The following CRYBG3 variants were observed in gnomAD, a reference collection of about 807,000 sequenced individuals.
CRYBG3 encodes the protein very large A-kinase anchor protein.
CRYBG3 carries 127 observed loss-of-function variants against 244.2 expected under a neutral mutation model. The ratio of observed to expected loss-of-function variants is 0.52; its 90% CI spans 0.45 to 0.60. CRYBG3 has a LOEUF of 0.60. Ranked by LOEUF, CRYBG3 falls within the 20% of genes least tolerant of loss-of-function variation. CRYBG3 has a pLI of 0.00. For synonymous variants in CRYBG3, 1,132 were observed against 1,195.8 expected (o/e 0.95, Z 1.10); for missense variants, 3,325 against 3,442.5 (o/e 0.97, Z 0.85).
intron 3 of CRYBG3, among the ~76,000 whole-genome samples, chr3:97,865,241 CATT>C (rs1029215421): frequency 1.3e-5 from 2 of 152,096 alleles, no homozygotes; most frequent in African/African-American, 4.8e-5. Context: ...ATGTTTATAA[CATT>C]GTTGAGTCCA....
intron 1 of CRYBG3, among the ~76,000 whole-genome samples, chr3:97,838,665 C>T (rs997474004): frequency 6.6e-6 from 1 of 152,094 alleles, no homozygotes; most frequent in Non-Finnish European, 1.5e-5. Flanking sequence ...CATGTGTGCA[C>T]TGCTAGTTTG....
chr3:97,943,140 G>A (rs1413927303), intron 21 of CRYBG3, 86 bp from the exon 22 acceptor site: 15 of 725,890 alleles, frequency 2.1e-5, no homozygotes, highest in Non-Finnish European at 3.3e-5. Context: ...CCGAAATGGT[G>A]AGCTGAACAG....
intron 17 of CRYBG3, among the ~76,000 whole-genome samples, chr3:97,932,083 C>T (rs1305671996): frequency 2.0e-5 from 3 of 152,026 alleles, no homozygotes; most frequent in Non-Finnish European, 4.4e-5. Context: ...AAAAACTTTG[C>T]TTCCACTTGT....
In CRYBG3 at chr3:97,858,122, T is replaced by C. The variant is rs1385776985; in HGVS notation, c.217-6095T>C. ...TGTCTGGAAGGGACTTTATTTTTCC[T>C]TCATTTCTGAGGGATAGCTTTGCTG... On this transcript the variant is annotated intron_variant, in intron 2 of 21. Transcript: ENST00000389622. Among the ~76,000 whole-genome samples the C allele has an allele frequency of 5.3e-5, 8 of 151,896 alleles. No individual in the cohort carries two copies. The East Asian group carries it at 1.6e-3, about 30-fold the overall frequency.
At chr3:97,829,704 C>T (rs779350643) in intron 1 of CRYBG3, among the ~76,000 whole-genome samples, 28 of 152,270 alleles carry the variant, frequency 1.8e-4, no homozygotes, top group Admixed American at 4.6e-4. Flanking sequence ...AATTTAGTGT[C>T]GCTGTGTCAA....
intron 2 of CRYBG3, among the ~76,000 whole-genome samples, chr3:97,848,924 T>C (rs1439167285): frequency 6.6e-6 from 1 of 152,228 alleles, no homozygotes; most frequent in Non-Finnish European, 1.5e-5. Flanking sequence ...TGCCTGGAGC[T>C]TCACAGTCAG....
chr3:97,878,104 G>C (rs772403072), intron 4 of CRYBG3, 67 bp downstream of exon 4: 3 of 1,387,130 alleles, frequency 2.2e-6, no homozygotes, highest in East Asian at 2.4e-5. Flanking sequence ...TTATCTAAAG[G>C]CTTATTAAGA....
At chr3:97,901,364 AGTGTTTTTCTCTGAATGTGT>A (rs1436450242) in intron 15 of CRYBG3, among the ~76,000 whole-genome samples, 5 of 152,322 alleles carry the variant, frequency 3.3e-5, no homozygotes, top group African/African-American at 7.2e-5. Context: ...CATAATGCTC[AGTGTTTTTCTCTGAATGTGT>A]GTGTTTTTCT....
chr3:97,853,379 TACAC>T (rs1387371743), intron 2 of CRYBG3, among the ~76,000 whole-genome samples: 2 of 146,676 alleles, frequency 1.4e-5, no homozygotes, highest in East Asian at 2.0e-4. Context: ...ACAGTATATG[TACAC>T]ACAGACACAC....
chr3:97,847,007 A>G (rs1470394007), intron 2 of CRYBG3, among the ~76,000 whole-genome samples: 1 of 152,222 alleles, frequency 6.6e-6, no homozygotes, highest in Admixed American at 6.5e-5. Context: ...AGCAGAAGGC[A>G]AAGAAGGAGC....
intron 11 of CRYBG3, among the ~76,000 whole-genome samples, chr3:97,894,132 C>G (rs1400335716): frequency 6.6e-6 from 1 of 151,952 alleles, no homozygotes; most frequent in South Asian, 2.1e-4. Context: ...TCTTGATAAC[C>G]CTGCTGTAAA....
intron 15 of CRYBG3, among the ~76,000 whole-genome samples, chr3:97,905,578 T>C (rs1190567675): frequency 6.6e-6 from 1 of 152,140 alleles, no homozygotes; most frequent in African/African-American, 2.4e-5. Context: ...TTTGCCCACT[T>C]TTTGATGGGG....
chr3:97,890,836 C>T (rs1426266630), intron 10 of CRYBG3, among the ~76,000 whole-genome samples: 4 of 152,152 alleles, frequency 2.6e-5, no homozygotes, highest in African/African-American at 9.7e-5. Flanking sequence ...GCTGTTATCA[C>T]TTCCTCATAC....
At chr3:97,926,154 G>T (rs148748213) in intron 17 of CRYBG3, among the ~76,000 whole-genome samples, 17 of 152,122 alleles carry the variant, frequency 1.1e-4, no homozygotes, top group Non-Finnish European at 2.2e-4. Context: ...GATGAACAAA[G>T]ATGCAAAAAT....
intron 2 of CRYBG3, among the ~76,000 whole-genome samples, chr3:97,849,397 A>G (rs933403213): frequency 1.3e-5 from 2 of 152,156 alleles, no homozygotes; most frequent in Non-Finnish European, 2.9e-5. Context: ...TACCATATTC[A>G]ACTTTAGCTG....
In CRYBG3 at chr3:97,883,660, TGTTA is replaced by T. The variant is rs536502223; in HGVS notation, c.7152+2445_7152+2448del. 3.3e-5 allele frequency among the ~76,000 whole-genome samples: 5 copies of T among 152,324 alleles called. No homozygotes were observed. The South Asian group carries it at 8.3e-4, about 25-fold the overall frequency. On this transcript the variant is annotated intron_variant, in intron 7 of 21. Transcript: ENST00000389622. ...GGAATCATTTTTTTTTTAGTTGCAG[TGTTA>T]GTTCGTGTGTCTCGAACAGGTTAAC... is the stretch of plus-strand genomic sequence containing the variant.
At chr3:97,920,640 A>G (rs1481608667) in intron 17 of CRYBG3, among the ~76,000 whole-genome samples, 1 of 151,628 alleles carries the variant, frequency 6.6e-6, no homozygotes, top group Non-Finnish European at 1.5e-5. Context: ...AGGAATTCTC[A>G]TGCCTCAGCC....
In CRYBG3 at chr3:97,912,212, T is replaced by C; in HGVS notation, c.8050T>C (p.Phe2684Leu). 1 of 1,608,614 alleles carries C rather than the reference T, an allele frequency of 6.2e-7. No homozygotes were observed. The highest frequency in any genetic ancestry group is 8.5e-7 in the Non-Finnish European group (1 of 1,177,522). Reference protein sequence around the residue: ...KPGFQGECIDFTEETSDLTSL... With the variant: ...KPGFQGECIDLTEETSDLTSL... ...AGGGTTCCAAGGTGAATGTATAGATTTTACAGAAGAAACTTCTGATTTGAC... is the reference window on the plus strand; with the variant it reads ...AGGGTTCCAAGGTGAATGTATAGATCTTACAGAAGAAACTTCTGATTTGAC... Residue 2684 changes from phenylalanine to leucine, a missense_variant, in exon 16 of 22, where the codon TTT (phenylalanine) becomes CTT (leucine). By Grantham distance (22) the Phe-to-Leu change is conservative (BLOSUM62 0). Transcript: ENST00000389622.
intron 1 of CRYBG3, among the ~76,000 whole-genome samples, chr3:97,834,343 T>C (rs1236302586): frequency 6.6e-6 from 1 of 152,176 alleles, no homozygotes; most frequent in Non-Finnish European, 1.5e-5. Flanking sequence ...CAAATGGCAA[T>C]GTCAGAAGTG....
Sources: gnomAD v4.1 joint callset for allele counts (sites outside exome capture counted in the v4.1 genomes callset) on GRCh38, gnomAD v4.1.1 for gene constraint, MANE v1.5 for transcripts, NCBI Gene and HGNC (gene_info 2026-07-23, HGNC 2026-07-21) for gene names.